UBE4A: variants seen among roughly 807,000 people sequenced by gnomAD.
UBE4A encodes the protein ubiquitin conjugation factor E4 A.
UBE4A carries 48 observed loss-of-function variants against 117.9 expected under a neutral mutation model. The observed-to-expected ratio is 0.41, with a 90% confidence interval of 0.32 to 0.52. The LOEUF (loss-of-function observed/expected upper bound fraction) is 0.52, where lower values mean the gene tolerates loss of function less well. UBE4A is among the 20% of genes least tolerant of loss of function. UBE4A has a pLI of 0.33. For synonymous variants in UBE4A, 407 were observed against 450.0 expected (o/e 0.90, Z 1.21); for missense variants, 1,067 against 1,296.3 (o/e 0.82, Z 2.72).
chr11:118,362,501 C>T (rs1267642438), intron 1 of UBE4A, among the ~76,000 whole-genome samples: 3 of 152,162 alleles, frequency 2.0e-5, no homozygotes, highest in African/African-American at 7.2e-5. Context: ...TTACGTGTTG[C>T]AGGTGATGCA....
At chr11:118,376,529 G>GATCC in intron 9 of UBE4A, 45 bp from the exon 10 acceptor site, 1 of 1,602,356 alleles carries the variant, frequency 6.2e-7, no homozygotes, top group Non-Finnish European at 8.5e-7. Flanking sequence ...GAGGAGACTG[G>GATCC]AGACCAAGAC....
chr11:118,383,322 A>C (rs140854766), intron 13 of UBE4A, among the ~76,000 whole-genome samples: 1 of 152,184 alleles, frequency 6.6e-6, no homozygotes, highest in Non-Finnish European at 1.5e-5. Flanking sequence ...GGACAGGCAC[A>C]GTGGCTCATG....
Position 118,369,549 on chromosome 11 carries a change from G to A in UBE4A, c.408+14G>A, listed in dbSNP as rs760436231. 11 of 1,602,530 alleles carry A rather than the reference G, an allele frequency of 6.9e-6. 1 individual carries two copies. Among genetic ancestry groups the A allele is most frequent in the East Asian group, 4.5e-5 (2 of 44,794 alleles). The stretch of plus-strand genomic sequence containing the variant: ...AATGTTGAGCAGGTAATATTCTTAC[G>A]TTCCTAATGTGTGCCCTTAGCAAAA... On this transcript the variant is annotated intron_variant, in intron 4 of 19. Coordinates refer to ENST00000252108, the MANE Select transcript of UBE4A (RefSeq NM_001204077.2).
At position 118,386,472 on chromosome 11, in the gene UBE4A, A is replaced by G. The variant is rs1948759735; in HGVS notation, c.2447A>G (p.Lys816Arg). The G allele has an allele frequency of 1.2e-6, 2 of 1,607,606 alleles. No individual in the cohort carries two copies. Among genetic ancestry groups the G allele is most frequent in the South Asian group, 2.2e-5 (2 of 90,016 alleles). ...AAGATAAAGATTCAGCAAATTGAGA[A>G]GGATCGAGGTGAATGGGATAGTCTG... ...LSKIKIQQIE[K>R]DRGEWDSLTP... is the part of the protein sequence containing the mutation. Residue 816 changes from lysine (K) to arginine (R), a missense_variant, in exon 16 of 20, where the codon AAG becomes AGG. Lys to Arg is a conservative substitution (Grantham distance 26). Around this residue, in one of 3 missense-constraint regions of UBE4A, gnomAD observed 1,001 missense variants for 1,184.0 expected, o/e 0.85. Coordinates refer to ENST00000252108, the MANE Select transcript of UBE4A (RefSeq NM_001204077.2).
chr11:118,381,780 G>T (rs1282217764), intron 12 of UBE4A, among the ~76,000 whole-genome samples: 1 of 152,210 alleles, frequency 6.6e-6, no homozygotes, highest in African/African-American at 2.4e-5. Flanking sequence ...CCAGTCCCTG[G>T]TTAAAGTAGT....
chr11:118,395,236 G>A (rs1301776401), intron 19 of UBE4A, among the ~76,000 whole-genome samples: 1 of 151,752 alleles, frequency 6.6e-6, no homozygotes, highest in African/African-American at 2.4e-5. Flanking sequence ...GGCTGAGGCA[G>A]GAGAATCCCT....
rs781969824 is a variant in UBE4A, at chr11:118,381,413, T to C, written c.1899T>C (p.Gly633=). 4.3e-6 allele frequency: 7 copies of C among 1,613,972 alleles called. No homozygotes were observed. The highest frequency in any genetic ancestry group is 5.9e-6 in the Non-Finnish European group (7 of 1,179,994). Residue 633 remains glycine (G), a synonymous_variant, in exon 12 of 20, where the codon GGT becomes GGC. Coordinates refer to ENST00000252108, the MANE Select transcript of UBE4A (RefSeq NM_001204077.2). The part of the protein sequence containing the change: ...YVPEFFADNL[G]DFLIFLRRFA... ...CAGAATTTTTTGCAGATAACCTGGG[T>C]GATTTTCTCATTTTTCTCCGCCGCT...
chr11:118,391,164 T>G (rs1014371118), intron 18 of UBE4A, among the ~76,000 whole-genome samples: 2 of 152,190 alleles, frequency 1.3e-5, no homozygotes, highest in East Asian at 1.9e-4. Flanking sequence ...TTAGTTTTAT[T>G]CTTGTCAACA....
chr11:118,368,548 T>G, intron 2 of UBE4A, 83 bp from the exon 3 acceptor site: 1 of 1,415,166 alleles, frequency 7.1e-7, no homozygotes. Context: ...TATCATCTTC[T>G]TGGTTACATT....
intron 15 of UBE4A, 107 bp downstream of exon 15, chr11:118,385,052 A>C (rs561584170): frequency 1.0e-6 from 1 of 1,004,784 alleles, no homozygotes; most frequent in Non-Finnish European, 1.5e-6. Context: ...TTATGCCCCT[A>C]GTACCAGACT....
chr11:118,376,383 T>C lies in UBE4A; in HGVS notation c.1451-191T>C, dbSNP rs974049363. ...TAGTATTCCTTTTAATTTTTGGTGA[T>C]TTCATGAAAAAGATTTAACTGTATT... On this transcript the variant is annotated intron_variant, in intron 9 of 19. Coordinates refer to ENST00000252108, the MANE Select transcript of UBE4A (RefSeq NM_001204077.2). Among the ~76,000 whole-genome samples the C allele has an allele frequency of 5.3e-4, 81 of 152,212 alleles. 1 individual carries two copies. The highest frequency in any genetic ancestry group is 4.1e-4 in the South Asian group (2 of 4,830).
chr11:118,368,766 A>T lies in UBE4A; in HGVS notation c.257A>T (p.His86Leu). 6.2e-7 allele frequency: 1 copy of T among 1,614,220 alleles called. No homozygotes were observed. The highest frequency in any genetic ancestry group is 8.5e-7 in the Non-Finnish European group (1 of 1,180,038). Residue 86 changes from histidine to leucine, a missense_variant, in exon 3 of 20, where the codon CAC becomes CTC. Physicochemically the swap from His to Leu is moderately conservative, Grantham distance 99 (BLOSUM62 -3). Coordinates refer to ENST00000252108, the MANE Select transcript of UBE4A (RefSeq NM_001204077.2). The part of the protein sequence containing the change: ...QEICEQLNIN[H>L]MIQRIFLITL... ...ATATGTGAGCAACTCAACATCAATC[A>T]CATGATCCAAAGGATCTTCCTTATT...
chr11:118,362,662 CT>C, intron 1 of UBE4A, among the ~76,000 whole-genome samples: 1 of 152,266 alleles, frequency 6.6e-6, no homozygotes, highest in East Asian at 1.9e-4. Context: ...TGTATGTTGG[CT>C]TGGTTTTAGG....
chr11:118,369,300 A>G, intron 3 of UBE4A, 123 bp from the exon 4 acceptor site: 1 of 669,668 alleles, frequency 1.5e-6, no homozygotes, highest in Non-Finnish European at 2.6e-6. Flanking sequence ...TGCTTTGTGT[A>G]TCAGGATCAT....
intron 12 of UBE4A, among the ~76,000 whole-genome samples, chr11:118,381,946 C>T (rs1948708780): frequency 6.6e-6 from 1 of 152,222 alleles, no homozygotes; most frequent in African/African-American, 2.4e-5. Flanking sequence ...CTCATAGCTT[C>T]TAGTCCTCTT....
chr11:118,361,764 C>T lies in UBE4A; in HGVS notation c.-42+2090C>T, dbSNP rs561566025. Among the ~76,000 whole-genome samples, 9 of 152,286 alleles carry T rather than the reference C, an allele frequency of 5.9e-5. No homozygotes were observed. In the South Asian group the frequency reaches 1.9e-3, roughly 32 times the overall value. On this transcript the variant is annotated intron_variant, in intron 1 of 19. Transcript: ENST00000252108. ...CTGCAACCTAAGACAAGTAGTAAAG[C>T]CCTTACCTTGAAGTAGGGTCATGGG...
Position 118,359,688 on chromosome 11 carries a change from T to G in UBE4A, c.-42+14T>G, listed in dbSNP as rs115085643. The G allele has an allele frequency of 6.6e-6, 1 of 152,304 alleles. No individual in the cohort carries two copies. Among genetic ancestry groups the G allele is most frequent in the African/African-American group, 2.4e-5 (1 of 41,568 alleles). 9.4% of individuals were successfully genotyped at this position (152,304 alleles called of 1,614,324 possible). A position where few individuals can be genotyped will look rare whatever the true frequency, so the allele number is the denominator to read the frequency against. On this transcript the variant is annotated intron_variant, in intron 1 of 19. Coordinates refer to ENST00000252108, the MANE Select transcript of UBE4A (RefSeq NM_001204077.2). Reference sequence around the variant, plus strand: ...CTTCAGGCTCTGGTAAGACAGGCAATAGCTTCAGGGGACGGGGTCGTTGAC... The same window carrying G: ...CTTCAGGCTCTGGTAAGACAGGCAAGAGCTTCAGGGGACGGGGTCGTTGAC...
intron 16 of UBE4A, 100 bp from the exon 17 acceptor site, chr11:118,389,625 A>C (rs1480952918): frequency 8.9e-7 from 1 of 1,118,496 alleles, no homozygotes; most frequent in Admixed American, 3.0e-5. Context: ...GTTTAGAAAT[A>C]AAATAACAGT....
intron 1 of UBE4A, 60 bp from the exon 2 acceptor site, chr11:118,364,980 G>C: frequency 7.5e-7 from 1 of 1,326,030 alleles, no homozygotes; most frequent in Non-Finnish European, 9.9e-7. Context: ...AACAACCACA[G>C]GTATATTACA....
Sources: allele counts gnomAD v4.1 joint callset (sites outside exome capture counted in the v4.1 genomes callset), GRCh38; gene constraint gnomAD v4.1.1; regional missense constraint gnomAD v4.1.1; transcripts MANE v1.5; gene names NCBI Gene and HGNC (gene_info 2026-07-23, HGNC 2026-07-21).